The following GKAP1 variants were observed in gnomAD, a reference collection of about 807,000 sequenced individuals.
The protein encoded by GKAP1 is G kinase anchoring protein 1.
Under a neutral mutation model 56.7 loss-of-function variants are expected in GKAP1, and 31 were observed. That is an observed-to-expected ratio of 0.55 (90% CI 0.41 to 0.74). GKAP1 has a LOEUF of 0.74. Among genes scored for constraint, GKAP1 ranks in the 30% least tolerant of loss-of-function variants. The pLI, the probability that GKAP1 is intolerant of heterozygous loss-of-function variation, is 0.00. For missense variants in GKAP1, 364 were observed against 402.3 expected (o/e 0.90, Z 0.82); for synonymous variants, 151 against 138.6 (o/e 1.09, Z -0.63).
At position 83,768,852 on chromosome 9, in the gene GKAP1, C is replaced by T. The variant is rs746774642; in HGVS notation, c.704G>A (p.Gly235Glu). Residue 235 changes from glycine to glutamate, a missense_variant, in exon 8 of 13, where the codon GGA becomes GAA. Transcript: ENST00000376371. The stretch of plus-strand genomic sequence containing the variant: ...TTCATGAGCTGTACAATTATCTGTT[C>T]CATTATATTCTGTAAGCTGTTCTCT... ...KRREQLTEYNGTDNCTAHEHN... is the reference protein window; with the variant it reads ...KRREQLTEYNETDNCTAHEHN... 14 of 1,612,356 alleles carry T rather than the reference C, an allele frequency of 8.7e-6. No homozygotes were observed. The highest frequency in any genetic ancestry group is 1.7e-4 in the Middle Eastern group (1 of 5,808).
At chr9:83,754,438 C>T (rs1397592684) in intron 8 of GKAP1, among the ~76,000 whole-genome samples, 1 of 152,154 alleles carries the variant, frequency 6.6e-6, no homozygotes, top group Non-Finnish European at 1.5e-5. Context: ...CTTCTAGGAG[C>T]TGAGTACACC....
chr9:83,782,433 A>C lies in GKAP1; in HGVS notation c.563-2029T>G, dbSNP rs1487272242. ...GAGTGCAATGGCGCAATCTTGGCTC[A>C]CTGCAACCTCCACCTTTTGGGTTCA... On this transcript the variant is annotated intron_variant, in intron 6 of 12. Coordinates refer to ENST00000376371, the MANE Select transcript of GKAP1 (RefSeq NM_025211.4). Among the ~76,000 whole-genome samples the C allele has an allele frequency of 1.3e-5, 2 of 149,880 alleles. 1 individual carries two copies. Among genetic ancestry groups the C allele is most frequent in the Non-Finnish European group, 3.0e-5 (2 of 67,718 alleles).
At chr9:83,779,544 T>C (rs555967409) in intron 7 of GKAP1, among the ~76,000 whole-genome samples, 2 of 112,054 alleles carry the variant, frequency 1.8e-5, no homozygotes, top group Admixed American at 1.2e-4. Flanking sequence ...TGTATATATA[T>C]ACACGTGTAT....
At chr9:83,790,904 T>C (rs1011525069) in intron 4 of GKAP1, among the ~76,000 whole-genome samples, 7 of 152,184 alleles carry the variant, frequency 4.6e-5, no homozygotes, top group Admixed American at 3.3e-4. Context: ...TTAATCCCTA[T>C]TGATGACATT....
intron 4 of GKAP1, among the ~76,000 whole-genome samples, chr9:83,795,156 C>CAAAAAAAAAAA (rs1031439217): frequency 1.6e-5 from 1 of 64,492 alleles, no homozygotes; most frequent in Non-Finnish European, 3.0e-5. Context: ...GACTCCATCT[C>CAAAAAAAAAAA]AAAAAAAAAA....
At chr9:83,747,234 TAC>T (rs1412816515) in intron 10 of GKAP1, among the ~76,000 whole-genome samples, 2 of 152,234 alleles carry the variant, frequency 1.3e-5, no homozygotes, top group African/African-American at 2.4e-5. Context: ...ACTAGGTATA[TAC>T]ACAGTGAGAA....
intron 8 of GKAP1, among the ~76,000 whole-genome samples, chr9:83,763,734 A>G (rs979697368): frequency 2.0e-5 from 3 of 152,136 alleles, no homozygotes; most frequent in Non-Finnish European, 4.4e-5. Flanking sequence ...TACAAAAATA[A>G]TTATCTATTG....
intron 8 of GKAP1, among the ~76,000 whole-genome samples, chr9:83,757,705 TGGTTA>T (rs1943499761): frequency 2.0e-5 from 3 of 152,106 alleles, no homozygotes; most frequent in African/African-American, 7.2e-5. Flanking sequence ...GCAGAAAGAT[TGGTTA>T]GATTACTGAA....
chr9:83,756,193 T>C (rs1048756908), intron 8 of GKAP1, among the ~76,000 whole-genome samples: 1 of 152,046 alleles, frequency 6.6e-6, no homozygotes, highest in Non-Finnish European at 1.5e-5. Context: ...TAAGAATTAA[T>C]GTCCCAGGCA....
chr9:83,781,441 G>A (rs1159821654), intron 6 of GKAP1, among the ~76,000 whole-genome samples: 1 of 152,172 alleles, frequency 6.6e-6, no homozygotes, highest in East Asian at 1.9e-4. Flanking sequence ...AATGCTTCTT[G>A]TGTACAGCAG....
At chr9:83,744,475 T>C (rs1320888097) in intron 10 of GKAP1, among the ~76,000 whole-genome samples, 1 of 152,176 alleles carries the variant, frequency 6.6e-6, no homozygotes, top group African/African-American at 2.4e-5. Flanking sequence ...GCTATAACCC[T>C]TCTGAGACCT....
At chr9:83,748,900 T>C (rs1943339419) in intron 9 of GKAP1, 3 of 152,382 alleles carry the variant, frequency 2.0e-5, no homozygotes, top group South Asian at 4.1e-4. Flanking sequence ...GATAGACTTG[T>C]AGTGGATATT....
intron 7 of GKAP1, among the ~76,000 whole-genome samples, chr9:83,779,407 C>CA (rs1233488589): frequency 1.5e-5 from 2 of 136,670 alleles, no homozygotes; most frequent in African/African-American, 2.7e-5. Flanking sequence ...TTGAAACAAA[C>CA]AAAAAAATGG....
At chr9:83,800,596 A>G (rs1240781483) in intron 3 of GKAP1, among the ~76,000 whole-genome samples, 1 of 152,036 alleles carries the variant, frequency 6.6e-6, no homozygotes, top group African/African-American at 2.4e-5. Context: ...CAGCCTCCCA[A>G]AAGTGTTGGG....
chr9:83,780,289 G>C, intron 7 of GKAP1, 93 bp downstream of exon 7: 1 of 745,474 alleles, frequency 1.3e-6, no homozygotes, highest in Non-Finnish European at 2.2e-6. Flanking sequence ...TCCTTTAAAT[G>C]ATTATGTCTC....
At chr9:83,805,701 C>T (rs1305823850) in intron 3 of GKAP1, among the ~76,000 whole-genome samples, 3 of 151,940 alleles carry the variant, frequency 2.0e-5, no homozygotes, top group South Asian at 2.1e-4. Context: ...AAAACACATA[C>T]CAAAATATTA....
chr9:83,795,588 C>CTTTTTTTTTT (rs58291258), intron 4 of GKAP1, among the ~76,000 whole-genome samples: 11 of 109,044 alleles, frequency 1.0e-4, no homozygotes, highest in South Asian at 3.2e-4. Context: ...CTGAGAGTGT[C>CTTTTTTTTTT]TTTTTTTTTT....
intron 3 of GKAP1, among the ~76,000 whole-genome samples, chr9:83,804,388 A>G (rs1289116963): frequency 1.0e-5 from 1 of 95,308 alleles, no homozygotes; most frequent in African/African-American, 4.2e-5. Flanking sequence ...CCCGTCCGGG[A>G]GGGAGGTGGG....
At chr9:83,771,237 GTTGT>G (rs57442408) in intron 7 of GKAP1, among the ~76,000 whole-genome samples, 48,420 of 150,702 alleles carry the variant, frequency 0.32, 8,222 homozygotes, top group East Asian at 0.47. Context: ...TAATTTTTTT[GTTGT>G]TTGTTTGTTT....
Sources: allele counts gnomAD v4.1 joint callset (sites outside exome capture counted in the v4.1 genomes callset), GRCh38; gene constraint gnomAD v4.1.1; transcripts MANE v1.5; gene names NCBI Gene and HGNC (gene_info 2026-07-23, HGNC 2026-07-21).